Variants in PRKCB observed in about 807,000 individuals in gnomAD.
PRKCB encodes protein kinase C beta.
In PRKCB, 13 loss-of-function variants were observed where a neutral mutation model predicts 81.5. The ratio of observed to expected loss-of-function variants is 0.16; its 90% CI spans 0.10 to 0.25. The LOEUF (loss-of-function observed/expected upper bound fraction) is 0.25. Among genes scored for constraint, PRKCB ranks in the 10% least tolerant of loss-of-function variants. The pLI is 1.00. For synonymous variants in PRKCB, 335 were observed against 321.4 expected (o/e 1.04, Z -0.45); for missense variants, 509 against 875.7 (o/e 0.58, Z 5.29).
At chr16:23,872,391 T>C (rs991998645) in intron 2 of PRKCB, among the ~76,000 whole-genome samples, 1 of 152,178 alleles carries the variant, frequency 6.6e-6, no homozygotes, top group Non-Finnish European at 1.5e-5. Context: ...TGCGGTCGTG[T>C]GCACCTGTAG....
chr16:23,892,608 A>G (rs1963312181), intron 2 of PRKCB, among the ~76,000 whole-genome samples: 2 of 152,164 alleles, frequency 1.3e-5, no homozygotes, highest in East Asian at 1.9e-4. Flanking sequence ...TTCATACAAA[A>G]CCATGTATGA....
intron 15 of PRKCB, among the ~76,000 whole-genome samples, chr16:24,186,181 A>C (rs1445817343): frequency 6.6e-6 from 1 of 152,054 alleles, no homozygotes. Context: ...GTTTATGGGG[A>C]AGGATTGTTT....
At chr16:24,204,683 A>G (rs964134700) in intron 16 of PRKCB, among the ~76,000 whole-genome samples, 1 of 152,206 alleles carries the variant, frequency 6.6e-6, no homozygotes, top group Non-Finnish European at 1.5e-5. Context: ...CAAGCAAAAG[A>G]ACAGAGTCAT....
At chr16:23,993,562 T>A (rs1386491958) in intron 3 of PRKCB, among the ~76,000 whole-genome samples, 1 of 152,218 alleles carries the variant, frequency 6.6e-6, no homozygotes, top group African/African-American at 2.4e-5. Context: ...GTCAATACTT[T>A]GAGAAATATA....
intron 2 of PRKCB, among the ~76,000 whole-genome samples, chr16:23,839,253 T>C (rs1047867516): frequency 6.7e-6 from 1 of 149,694 alleles, no homozygotes; most frequent in Non-Finnish European, 1.5e-5. Flanking sequence ...TGTAATGAAA[T>C]ATGGGCGCTC....
intron 16 of PRKCB, among the ~76,000 whole-genome samples, chr16:24,193,457 AAATAAATAAAT>A (rs1217722402): frequency 5.0e-5 from 3 of 60,192 alleles, no homozygotes; most frequent in African/African-American, 1.2e-4. Context: ...ATAAATAAAT[AAATAAATAAAT>A]AAATAAATAA....
chr16:23,878,375 C>T (rs1337225079), intron 2 of PRKCB, among the ~76,000 whole-genome samples: 1 of 152,184 alleles, frequency 6.6e-6, no homozygotes, highest in Non-Finnish European at 1.5e-5. Flanking sequence ...AGCACTCCAA[C>T]TCGTGCCTGA....
intron 2 of PRKCB, among the ~76,000 whole-genome samples, chr16:23,933,675 T>TCCATC (rs375973951): frequency 1.5e-5 from 2 of 136,628 alleles, no homozygotes; most frequent in African/African-American, 2.7e-5. Context: ...CATCCATCCA[T>TCCATC]CATCTTCTGT....
chr16:24,114,228 C>T (rs1262606014), intron 8 of PRKCB, among the ~76,000 whole-genome samples: 2 of 140,168 alleles, frequency 1.4e-5, no homozygotes, highest in Admixed American at 6.9e-5. Flanking sequence ...GGTGCGATCT[C>T]GGCTCACTGC....
chr16:24,108,271 TTTTA>T (rs199803187), intron 7 of PRKCB, among the ~76,000 whole-genome samples: 1,273 of 92,984 alleles, frequency 0.014, 19 homozygotes, highest in African/African-American at 0.051. Context: ...GTCCCCAATC[TTTTA>T]TTTATTTATT....
At chr16:24,124,180 C>G (rs1302238374) in intron 9 of PRKCB, among the ~76,000 whole-genome samples, 199 bp downstream of exon 9, 2 of 152,150 alleles carry the variant, frequency 1.3e-5, no homozygotes, top group Admixed American at 1.3e-4. Flanking sequence ...CCCTTTCAGT[C>G]TGAGGAGGTG....
intron 5 of PRKCB, among the ~76,000 whole-genome samples, chr16:24,079,537 C>T (rs1029021559): frequency 6.6e-6 from 1 of 152,108 alleles, no homozygotes. Context: ...TTGAATGTCT[C>T]CTTCTTCCAA....
intron 5 of PRKCB, among the ~76,000 whole-genome samples, chr16:24,088,364 A>G (rs542252802): frequency 1.3e-5 from 2 of 152,274 alleles, no homozygotes; most frequent in African/African-American, 2.4e-5. Context: ...GAAAGGACCT[A>G]TAAAGGTGAG....
intron 5 of PRKCB, among the ~76,000 whole-genome samples, chr16:24,061,140 A>G (rs972724181): frequency 1.3e-5 from 2 of 151,776 alleles, no homozygotes; most frequent in Non-Finnish European, 2.9e-5. Context: ...GGCTCACTGC[A>G]ACCTCCGCCT....
chr16:24,010,176 C>T (rs1033613776), intron 3 of PRKCB, among the ~76,000 whole-genome samples: 3 of 152,082 alleles, frequency 2.0e-5, no homozygotes, highest in East Asian at 1.9e-4. Flanking sequence ...GAATGAGTGA[C>T]GTGTGTGACC....
intron 2 of PRKCB, among the ~76,000 whole-genome samples, chr16:23,933,625 C>G (rs1964008668): frequency 7.2e-6 from 1 of 139,216 alleles, no homozygotes; most frequent in Admixed American, 7.8e-5. Flanking sequence ...GTGGTGTGAA[C>G]TGATATCCAT....
intron 2 of PRKCB, among the ~76,000 whole-genome samples, chr16:23,958,313 A>G (rs1247381848): frequency 2.0e-5 from 3 of 147,400 alleles, no homozygotes; most frequent in African/African-American, 7.6e-5. Flanking sequence ...TATTATTATT[A>G]TTACTTTTTG....
chr16:24,217,352 C>A lies in PRKCB; in HGVS notation c.*2536C>A, dbSNP rs927582086. On this transcript the variant is annotated 3_prime_UTR_variant, in exon 17 of 17. Transcript: ENST00000643927. The stretch of plus-strand genomic sequence containing the variant: ...TCCTTTTCTATCCACATTTCCAGTG[C>A]AGAAGAAACTGAGAAACAGAGCTTT... 1.0e-6 allele frequency: 1 copy of A among 985,268 alleles called. No homozygotes were observed. The highest frequency in any genetic ancestry group is 1.7e-5 in the African/African-American group (1 of 57,224). 61.0% of individuals were successfully genotyped at this position (985,268 alleles called of 1,614,324 possible).
chr16:24,180,677 C>T (rs192354758), intron 12 of PRKCB, 113 bp from the exon 13 acceptor site: 18 of 1,309,290 alleles, frequency 1.4e-5, no homozygotes, highest in Admixed American at 5.9e-5. Context: ...TTTCTACTGA[C>T]CTTTGTGCCC....
Sources: gnomAD v4.1 joint callset for allele counts (sites outside exome capture counted in the v4.1 genomes callset) on GRCh38, gnomAD v4.1.1 for gene constraint, MANE v1.5 for transcripts, NCBI Gene and HGNC (gene_info 2026-07-23, HGNC 2026-07-21) for gene names.